Variants in COMMD1 observed in about 807,000 individuals in gnomAD.
COMMD1 encodes copper metabolism domain containing 1.
COMMD1 carries 10 observed loss-of-function variants against 17.2 expected under a neutral mutation model. The observed-to-expected ratio is 0.58, with a 90% CI of 0.36 to 0.99. The LOEUF is 0.99. COMMD1 is among the 50% of genes least tolerant of loss of function. The pLI, the probability that COMMD1 is intolerant of heterozygous loss-of-function variation, is 0.01. For synonymous variants in COMMD1, 97 were observed against 91.6 expected (o/e 1.06, Z -0.34); for missense variants, 270 against 231.8 (o/e 1.17, Z -1.07).
intron 1 of COMMD1, among the ~76,000 whole-genome samples, chr2:61,965,098 A>G (rs1671472285): frequency 6.6e-6 from 1 of 152,130 alleles, no homozygotes; most frequent in African/African-American, 2.4e-5. Flanking sequence ...TTGTTACCTG[A>G]CTTTTATGTT....
At chr2:62,059,619 A>C (rs939426449) in intron 2 of COMMD1, among the ~76,000 whole-genome samples, 1 of 152,162 alleles carries the variant, frequency 6.6e-6, no homozygotes, top group Admixed American at 6.5e-5. Context: ...TGCAGTGGCT[A>C]TTCACAGGTG....
chr2:61,975,124 T>C (rs1010055316), intron 1 of COMMD1, among the ~76,000 whole-genome samples: 16 of 145,184 alleles, frequency 1.1e-4, no homozygotes, highest in African/African-American at 2.5e-4. Flanking sequence ...CTTTCTTTTT[T>C]TTTTTTTTTT....
At chr2:61,975,346 G>A (rs1302267446) in intron 1 of COMMD1, among the ~76,000 whole-genome samples, 5 of 152,028 alleles carry the variant, frequency 3.3e-5, no homozygotes, top group African/African-American at 9.7e-5. Context: ...TTTTTGTGTG[G>A]ATGTAATTTT....
chr2:61,965,358 G>A (rs1258808581), intron 1 of COMMD1, among the ~76,000 whole-genome samples: 3 of 152,124 alleles, frequency 2.0e-5, no homozygotes, highest in Non-Finnish European at 2.9e-5. Flanking sequence ...TTATTTATTG[G>A]AGGAGACTGT....
chr2:62,035,808 T>TG (rs1011396428), intron 2 of COMMD1, among the ~76,000 whole-genome samples: 2 of 149,278 alleles, frequency 1.3e-5, no homozygotes, highest in South Asian at 2.1e-4. Context: ...TCCAGCACTT[T>TG]GGGGGGCTGA....
intron 1 of COMMD1, among the ~76,000 whole-genome samples, chr2:61,982,140 T>A (rs1378531345): frequency 1.3e-5 from 2 of 152,244 alleles, no homozygotes; most frequent in South Asian, 4.1e-4. Context: ...TTTTCATTTT[T>A]TTTGGTGTTA....
intron 2 of COMMD1, among the ~76,000 whole-genome samples, chr2:62,122,593 C>T (rs1431552679): frequency 1.3e-5 from 2 of 152,192 alleles, no homozygotes; most frequent in East Asian, 1.9e-4. Context: ...CTTGGTTTAG[C>T]TGTACATAAT....
chr2:62,011,283 A>G (rs952173772), intron 2 of COMMD1, among the ~76,000 whole-genome samples: 2 of 152,180 alleles, frequency 1.3e-5, no homozygotes, highest in Non-Finnish European at 2.9e-5. Context: ...GCTGGTGTAC[A>G]TGTCTGTGAA....
At chr2:61,897,231 T>C (rs1669568685) in intron 1 of COMMD1, among the ~76,000 whole-genome samples, 1 of 152,208 alleles carries the variant, frequency 6.6e-6, no homozygotes, top group African/African-American at 2.4e-5. Context: ...CACTTCTCCA[T>C]GATTAACTAC....
At chr2:62,056,879 C>T (rs1670719678) in intron 2 of COMMD1, among the ~76,000 whole-genome samples, 1 of 152,190 alleles carries the variant, frequency 6.6e-6, no homozygotes, top group Non-Finnish European at 1.5e-5. Context: ...TTTGAGGCAA[C>T]TTCAAATCTC....
At chr2:62,078,580 A>T (rs1257431314) in intron 2 of COMMD1, among the ~76,000 whole-genome samples, 1 of 143,508 alleles carries the variant, frequency 7.0e-6, no homozygotes, top group Non-Finnish European at 1.5e-5. Flanking sequence ...AAAAGAAAAA[A>T]TGGTGGGGCC....
intron 1 of COMMD1, among the ~76,000 whole-genome samples, chr2:61,950,957 G>C (rs1436572878): frequency 6.6e-6 from 1 of 152,214 alleles, no homozygotes. Context: ...CCAAACTGCA[G>C]ATAAGGAGGA....
At chr2:62,042,200 A>G (rs1001134559) in intron 2 of COMMD1, among the ~76,000 whole-genome samples, 1 of 152,224 alleles carries the variant, frequency 6.6e-6, no homozygotes, top group African/African-American at 2.4e-5. Context: ...TCCCTTAGCT[A>G]GACACAAAAG....
intron 2 of COMMD1, among the ~76,000 whole-genome samples, chr2:62,015,433 A>G (rs1386569781): frequency 6.6e-6 from 1 of 152,204 alleles, no homozygotes; most frequent in Admixed American, 6.5e-5. Context: ...GTTGATGGAT[A>G]TTTGAGTTGT....
At position 62,125,723 on chromosome 2, in the gene COMMD1, A is replaced by G. The variant is rs568634817; in HGVS notation, c.463-10108A>G. On this transcript the variant is annotated intron_variant, in intron 2 of 2. Transcript: ENST00000311832. Reference sequence around the variant, plus strand: ...AAGAACAGGTTATAGCAACAAGGCCATGTTTCAGTTGTCCAGGACTTTTGA... The same window carrying G: ...AAGAACAGGTTATAGCAACAAGGCCGTGTTTCAGTTGTCCAGGACTTTTGA... 2.6e-5 allele frequency among the ~76,000 whole-genome samples: 4 copies of G among 152,330 alleles called. No individual in the cohort carries two copies. In the South Asian group the frequency reaches 8.3e-4, roughly 32 times the overall value.
At chr2:61,987,114 T>C (rs944883099) in intron 1 of COMMD1, among the ~76,000 whole-genome samples, 2 of 152,200 alleles carry the variant, frequency 1.3e-5, no homozygotes, top group Non-Finnish European at 1.5e-5. Flanking sequence ...TCTTCAAGTT[T>C]TCCCAAAACA....
At chr2:62,110,233 CTAATTTTTGATTTTTTTTATAGGAA>C in intron 2 of COMMD1, among the ~76,000 whole-genome samples, 1 of 152,008 alleles carries the variant, frequency 6.6e-6, no homozygotes, top group African/African-American at 2.4e-5. Flanking sequence ...ACATGCCTGG[CTAATTTTTGATTTTTTTTATAGGAA>C]TGGTGTCTCA....
exon 1 of COMMD1, chr2:61,888,814 A>G (rs1018733592): frequency 6.3e-5 from 27 of 430,324 alleles, no homozygotes; most frequent in African/African-American, 5.0e-4. Flanking sequence ...CGAGGCAGCA[A>G]TGACAACGCG....
intron 2 of COMMD1, among the ~76,000 whole-genome samples, chr2:62,127,862 A>G (rs1436442328): frequency 6.6e-6 from 1 of 151,876 alleles, no homozygotes; most frequent in Non-Finnish European, 1.5e-5. Context: ...CATCACTACT[A>G]AAAATACAAA....
Sources: gnomAD v4.1 joint callset for allele counts (sites outside exome capture counted in the v4.1 genomes callset) on GRCh38, gnomAD v4.1.1 for gene constraint, MANE v1.5 for transcripts, NCBI Gene and HGNC (gene_info 2026-07-23, HGNC 2026-07-21) for gene names.